Variants in AFTPH observed in about 807,000 individuals in gnomAD.
AFTPH encodes aftiphilin.
In AFTPH, 7 loss-of-function variants were observed where a neutral mutation model predicts 72.5. The observed-to-expected ratio is 0.10, with a 90% confidence interval of 0.05 to 0.18. The LOEUF (loss-of-function observed/expected upper bound fraction) is 0.18, where lower values mean the gene tolerates loss of function less well. AFTPH is among the 10% of genes least tolerant of loss of function. The pLI, the probability that AFTPH is intolerant of heterozygous loss-of-function variation, is 1.00. For synonymous variants in AFTPH, 337 were observed against 370.1 expected, an observed-to-expected ratio of 0.91 and a Z score of 1.03; for missense variants, 979 against 1,060.5, an observed-to-expected ratio of 0.92 and a Z score of 1.07.
At chr2:64,578,448 G>A (rs1440534225) in intron 6 of AFTPH, among the ~76,000 whole-genome samples, 1 of 152,092 alleles carries the variant, frequency 6.6e-6, no homozygotes, top group Non-Finnish European at 1.5e-5. Context: ...TTAAAATGAA[G>A]TGTGAATGCT....
chr2:64,575,737 G>A lies in AFTPH; in HGVS notation c.2394+2669G>A, dbSNP rs868603079. ...TGTGTGTGTGTGTGTGTGTGTGTGT[G>A]TGTGTATATATTTTTTTTGGAGGTA... is the stretch of plus-strand genomic sequence containing the variant. On this transcript the variant is annotated intron_variant, in intron 6 of 8. Transcript: ENST00000238856. Among the ~76,000 whole-genome samples the A allele has an allele frequency of 3.6e-3, 292 of 81,624 alleles. 5 individuals are homozygous for A. The highest frequency in any genetic ancestry group is 0.015 in the African/African-American group (259 of 17,552). The allele number at this position is 81,624 out of a possible 152,430, so 53.5% of individuals were successfully genotyped here. A position where few individuals can be genotyped will look rare whatever the true frequency, so the allele number is the denominator to read the frequency against.
intron 1 of AFTPH, chr2:64,525,604 G>T (rs764106117): frequency 1.9e-5 from 3 of 153,926 alleles, no homozygotes; most frequent in Non-Finnish European, 4.4e-5. Flanking sequence ...GATTTTATTT[G>T]GTGGAGGGGA....
exon 9 of AFTPH, chr2:64,592,628 A>T (rs373303752): frequency 5.2e-5 from 8 of 152,626 alleles, no homozygotes; most frequent in African/African-American, 1.7e-4. Flanking sequence ...GTTATAGGGT[A>T]TGGATCATTG....
chr2:64,546,229 C>T (rs1019973026), intron 1 of AFTPH, among the ~76,000 whole-genome samples: 12 of 151,682 alleles, frequency 7.9e-5, no homozygotes, highest in African/African-American at 2.2e-4. Context: ...ACAAAGTCTG[C>T]GAACAATAAT....
exon 9 of AFTPH, chr2:64,592,512 T>A (rs1673887093): frequency 6.5e-6 from 1 of 152,852 alleles, no homozygotes; most frequent in Non-Finnish European, 1.5e-5. Context: ...ATTTTGTGTA[T>A]GATGGGTTTC....
intron 1 of AFTPH, among the ~76,000 whole-genome samples, chr2:64,530,337 G>A (rs904035833): frequency 2.6e-5 from 4 of 152,044 alleles, no homozygotes; most frequent in African/African-American, 2.4e-5. Context: ...GCCATATTCA[G>A]ATTCTTCCCC....
chr2:64,587,029 G>A (rs1370366186), intron 8 of AFTPH, among the ~76,000 whole-genome samples: 1 of 152,180 alleles, frequency 6.6e-6, no homozygotes, highest in Non-Finnish European at 1.5e-5. Flanking sequence ...AACTATAGAA[G>A]TTTTGAAAAT....
intron 1 of AFTPH, among the ~76,000 whole-genome samples, chr2:64,535,642 A>C (rs1669846477): frequency 6.6e-6 from 1 of 152,240 alleles, no homozygotes; most frequent in South Asian, 2.1e-4. Flanking sequence ...CCTATCACAT[A>C]GTAACTTAGT....
intron 1 of AFTPH, among the ~76,000 whole-genome samples, chr2:64,525,232 G>A (rs1572924357): frequency 6.6e-6 from 1 of 152,220 alleles, no homozygotes; most frequent in East Asian, 1.9e-4. Context: ...TCCAGTTTGC[G>A]TTTGAAAAGT....
intron 2 of AFTPH, among the ~76,000 whole-genome samples, chr2:64,554,754 G>T (rs1448623493): frequency 2.6e-5 from 4 of 152,188 alleles, no homozygotes; most frequent in Non-Finnish European, 5.9e-5. Flanking sequence ...TTTTAAACAA[G>T]AAGTGAACTA....
intron 2 of AFTPH, among the ~76,000 whole-genome samples, chr2:64,560,317 C>T (rs1249260812): frequency 6.6e-6 from 1 of 151,490 alleles, no homozygotes; most frequent in Non-Finnish European, 1.5e-5. Context: ...GAAGCTTTGC[C>T]CCACTGATGA....
chr2:64,579,123 A>G (rs1232199615), intron 6 of AFTPH: 1 of 168,328 alleles, frequency 5.9e-6, no homozygotes, highest in Non-Finnish European at 1.3e-5. Flanking sequence ...TAGACTTTGA[A>G]TCTTCTTGTT....
At chr2:64,536,953 A>C (rs1487926550) in intron 1 of AFTPH, among the ~76,000 whole-genome samples, 1 of 48,720 alleles carries the variant, frequency 2.1e-5, no homozygotes, top group African/African-American at 3.4e-4. Flanking sequence ...CTCTGTCTCA[A>C]AAAAAAAAAA....
chr2:64,545,715 C>G (rs58128502), intron 1 of AFTPH, among the ~76,000 whole-genome samples: 74,684 of 149,032 alleles, frequency 0.5, 22,377 homozygotes, highest in African/African-American at 0.85. Context: ...AATATCCTTT[C>G]AAAGGACAAA....
At chr2:64,567,960 C>T (rs902948452) in intron 3 of AFTPH, among the ~76,000 whole-genome samples, 7 of 151,704 alleles carry the variant, frequency 4.6e-5, no homozygotes, top group Admixed American at 3.3e-4. Context: ...GCACAAGAAT[C>T]GCTGGAACCC....
chr2:64,542,541 C>G (rs1670316282), intron 1 of AFTPH, among the ~76,000 whole-genome samples: 1 of 152,202 alleles, frequency 6.6e-6, no homozygotes, highest in Non-Finnish European at 1.5e-5. Flanking sequence ...AGACTGGTCA[C>G]TGGACCCTTG....
intron 1 of AFTPH, among the ~76,000 whole-genome samples, chr2:64,530,670 T>G (rs1669574409): frequency 6.6e-6 from 1 of 152,214 alleles, no homozygotes; most frequent in Admixed American, 6.5e-5. Flanking sequence ...TGTGGATATG[T>G]GAGCATGTCA....
At chr2:64,559,422 C>T (rs770684193) in intron 2 of AFTPH, among the ~76,000 whole-genome samples, 1 of 152,114 alleles carries the variant, frequency 6.6e-6, no homozygotes, top group Non-Finnish European at 1.5e-5. Flanking sequence ...AGTCTGAGTC[C>T]AAAGCCCTAA....
At chr2:64,587,308 T>C (rs1175989485) in intron 8 of AFTPH, among the ~76,000 whole-genome samples, 1 of 152,130 alleles carries the variant, frequency 6.6e-6, no homozygotes, top group Non-Finnish European at 1.5e-5. Flanking sequence ...CAAAATAAAT[T>C]GGAGAGAACA....
Sources: allele counts gnomAD v4.1 joint callset (sites outside exome capture counted in the v4.1 genomes callset), GRCh38; gene constraint gnomAD v4.1.1; transcripts MANE v1.5; gene names NCBI Gene and HGNC (gene_info 2026-07-23, HGNC 2026-07-21).